The following TEAD1 variants were observed in gnomAD, a reference collection of about 807,000 sequenced individuals.
TEAD1 encodes the protein transcriptional enhancer factor TEF-1.
Under a neutral mutation model 54.9 loss-of-function variants are expected in TEAD1, and 9 were observed. The ratio of observed to expected loss-of-function variants is 0.16; its 90% CI spans 0.10 to 0.29. The LOEUF (loss-of-function observed/expected upper bound fraction) is 0.29, where lower values mean the gene tolerates loss of function less well. TEAD1 is among the 10% of genes least tolerant of loss of function. The pLI is 1.00. For synonymous variants in TEAD1, 200 were observed against 187.8 expected (o/e 1.07, Z -0.53); for missense variants, 387 against 535.9 (o/e 0.72, Z 2.74).
chr11:12,791,405 G>T (rs879760407), intron 3 of TEAD1, among the ~76,000 whole-genome samples: 9 of 152,198 alleles, frequency 5.9e-5, no homozygotes, highest in Non-Finnish European at 1.3e-4. Flanking sequence ...AACATTTCAG[G>T]CTTTTGAAGA....
chr11:12,826,567 T>C (rs1259863544), intron 3 of TEAD1, among the ~76,000 whole-genome samples: 1 of 152,222 alleles, frequency 6.6e-6, no homozygotes, highest in Non-Finnish European at 1.5e-5. Flanking sequence ...GCATGGGATT[T>C]GAAATCAACC....
intron 9 of TEAD1, among the ~76,000 whole-genome samples, chr11:12,884,004 AAAAAAG>A (rs1948032671): frequency 6.6e-6 from 1 of 152,012 alleles, no homozygotes; most frequent in Non-Finnish European, 1.5e-5. Flanking sequence ...AAAAAAAAAA[AAAAAAG>A]AAGAAGTAAC....
chr11:12,838,086 C>T (rs1186624426), intron 3 of TEAD1, among the ~76,000 whole-genome samples: 5 of 152,224 alleles, frequency 3.3e-5, no homozygotes, highest in South Asian at 2.1e-4. Flanking sequence ...TGTGAGCCAC[C>T]GTGCCCAGCC....
At chr11:12,787,366 C>A (rs1013918331) in intron 3 of TEAD1, among the ~76,000 whole-genome samples, 2 of 152,020 alleles carry the variant, frequency 1.3e-5, no homozygotes, top group Non-Finnish European at 2.9e-5. Context: ...TTTTGCTAAC[C>A]ATTGTATGAT....
At chr11:12,743,170 A>G (rs1311918086) in intron 2 of TEAD1, among the ~76,000 whole-genome samples, 1 of 152,264 alleles carries the variant, frequency 6.6e-6, no homozygotes, top group Admixed American at 6.5e-5. Flanking sequence ...CATACTAGTT[A>G]TCTGTTCCCC....
chr11:12,856,999 G>A (rs1255960088), intron 3 of TEAD1, among the ~76,000 whole-genome samples: 1 of 152,102 alleles, frequency 6.6e-6, no homozygotes, highest in African/African-American at 2.4e-5. Context: ...ACATGACCTT[G>A]AGGCCACATC....
chr11:12,863,026 A>AG (rs997686068), intron 4 of TEAD1, among the ~76,000 whole-genome samples: 4 of 151,974 alleles, frequency 2.6e-5, no homozygotes, highest in East Asian at 3.8e-4. Context: ...AAAAGAAAGG[A>AG]GGAAAAAAAA....
intron 3 of TEAD1, among the ~76,000 whole-genome samples, chr11:12,797,403 G>A (rs912618008): frequency 6.6e-6 from 1 of 152,094 alleles, no homozygotes; most frequent in Admixed American, 6.5e-5. Flanking sequence ...TTTCACAGAC[G>A]GTTGGCACCC....
chr11:12,787,645 T>A (rs752622855), intron 3 of TEAD1, among the ~76,000 whole-genome samples: 1 of 152,238 alleles, frequency 6.6e-6, no homozygotes, highest in Admixed American at 6.5e-5. Context: ...CTATATAATA[T>A]AGAACTTTCT....
chr11:12,691,368 T>C (rs1228284741), intron 2 of TEAD1, among the ~76,000 whole-genome samples: 2 of 152,148 alleles, frequency 1.3e-5, no homozygotes, highest in African/African-American at 4.8e-5. Context: ...TCTGCAGAGT[T>C]TGGGTTCCTT....
intron 2 of TEAD1, among the ~76,000 whole-genome samples, chr11:12,721,628 C>T (rs1044492533): frequency 5.3e-5 from 8 of 152,176 alleles, no homozygotes; most frequent in African/African-American, 1.9e-4. Flanking sequence ...ACATTATGTT[C>T]CCAGCATTAT....
At chr11:12,915,848 A>G (rs1267637910) in intron 10 of TEAD1, among the ~76,000 whole-genome samples, 1 of 152,218 alleles carries the variant, frequency 6.6e-6, no homozygotes, top group Non-Finnish European at 1.5e-5. Context: ...TGTCTCAGAA[A>G]AAAGAACAGA....
rs75111459 is a variant in TEAD1 at position 12,784,701 on chromosome 11, T to A, written c.202+20267T>A. Among the ~76,000 whole-genome samples, 1,178 of 152,282 alleles carry A rather than the reference T, an allele frequency of 7.7e-3. 10 individuals are homozygous for A. Among genetic ancestry groups the A allele is most frequent in the African/African-American group, 0.025 (1,056 of 41,552 alleles). On this transcript the variant is annotated intron_variant, in intron 3 of 12. Coordinates refer to ENST00000527636, the MANE Select transcript of TEAD1 (RefSeq NM_021961.6). ...GGTGCTGATGTCTTGGCATGTTCCT[T>A]TCTGTGGCCCCCTAGGGTGAGTTAA...
At chr11:12,766,774 A>G (rs1244003853) in intron 3 of TEAD1, among the ~76,000 whole-genome samples, 2 of 152,218 alleles carry the variant, frequency 1.3e-5, no homozygotes, top group Non-Finnish European at 2.9e-5. Flanking sequence ...AAAATGGGAC[A>G]GTCCTTTTGA....
intron 3 of TEAD1, chr11:12,822,538 G>C (rs746397792): frequency 3.9e-5 from 6 of 152,252 alleles, no homozygotes; most frequent in Non-Finnish European, 5.9e-5. Context: ...AATGGAAGAT[G>C]GGGGGTGGAG....
intron 3 of TEAD1, among the ~76,000 whole-genome samples, chr11:12,771,292 T>C (rs2133935233): frequency 6.6e-6 from 1 of 152,242 alleles, no homozygotes; most frequent in South Asian, 2.1e-4. Flanking sequence ...AGCCATTACA[T>C]TTTTTTCAGG....
intron 3 of TEAD1, among the ~76,000 whole-genome samples, chr11:12,772,438 G>T (rs747174024): frequency 1.3e-5 from 2 of 152,160 alleles, no homozygotes; most frequent in African/African-American, 2.4e-5. Context: ...GGAGGAGGAT[G>T]GGGGGAGGGC....
chr11:12,705,326 T>C (rs937449141), intron 2 of TEAD1, among the ~76,000 whole-genome samples: 1 of 152,208 alleles, frequency 6.6e-6, no homozygotes, highest in Non-Finnish European at 1.5e-5. Context: ...AATACACTTG[T>C]AGCATGCAAG....
intron 9 of TEAD1, among the ~76,000 whole-genome samples, chr11:12,900,702 A>G (rs1406264961): frequency 2.0e-4 from 31 of 152,000 alleles, no homozygotes; most frequent in Non-Finnish European, 4.3e-4. Context: ...TTCTTAACCC[A>G]TGTATAATAC....
Sources: gnomAD v4.1 joint callset for allele counts (sites outside exome capture counted in the v4.1 genomes callset) on GRCh38, gnomAD v4.1.1 for gene constraint, MANE v1.5 for transcripts, NCBI Gene and HGNC (gene_info 2026-07-23, HGNC 2026-07-21) for gene names.